The following CDH13 variants were observed in gnomAD, a reference collection of about 807,000 sequenced individuals.
CDH13 encodes the protein cadherin 13, also known as cadherin-13.
A neutral mutation model predicts 63.8 loss-of-function variants in CDH13; 24 were observed. That is an observed-to-expected ratio of 0.38 (90% CI 0.27 to 0.53). The LOEUF is 0.53. Among genes scored for constraint, CDH13 ranks in the 20% least tolerant of loss-of-function variants. The probability of loss-of-function intolerance (pLI) is 0.85; values close to 1 mark genes in which losing one functional copy is unlikely to be tolerated. For synonymous variants in CDH13, 503 were observed against 355.3 expected, an observed-to-expected ratio of 1.42 and a Z score of -4.67; for missense variants, 1,049 against 903.1, an observed-to-expected ratio of 1.16 and a Z score of -2.07.
At chr16:82,665,811 G>A (rs1386491028) in intron 1 of CDH13, among the ~76,000 whole-genome samples, 2 of 152,062 alleles carry the variant, frequency 1.3e-5, no homozygotes, top group Admixed American at 6.5e-5. Context: ...TGTGCTTAGA[G>A]CACTTGCGTT....
intron 3 of CDH13, among the ~76,000 whole-genome samples, chr16:83,116,564 A>G (rs1245648210): frequency 2.0e-5 from 3 of 152,216 alleles, no homozygotes; most frequent in Admixed American, 6.5e-5. Flanking sequence ...GACATATCGC[A>G]TGGTTTCTGT....
At chr16:82,817,102 C>A (rs573380953) in intron 1 of CDH13, among the ~76,000 whole-genome samples, 2 of 152,240 alleles carry the variant, frequency 1.3e-5, no homozygotes, top group African/African-American at 2.4e-5. Flanking sequence ...TTTTCCAACA[C>A]AGAGAACCCT....
chr16:83,766,728 G>T (rs1035036241), intron 11 of CDH13, among the ~76,000 whole-genome samples: 2 of 152,172 alleles, frequency 1.3e-5, no homozygotes, highest in African/African-American at 2.4e-5. Flanking sequence ...GATATGGTTT[G>T]GCTGTGTCCC....
intron 7 of CDH13, among the ~76,000 whole-genome samples, chr16:83,586,972 G>A (rs1258680699): frequency 2.6e-5 from 4 of 152,086 alleles, no homozygotes; most frequent in Non-Finnish European, 4.4e-5. Context: ...GTCTCAAATT[G>A]CTTTCCTGTC....
At chr16:82,842,096 A>ATATATATATGTATG (rs1567590192) in intron 1 of CDH13, among the ~76,000 whole-genome samples, 2 of 39,024 alleles carry the variant, frequency 5.1e-5, no homozygotes, top group African/African-American at 1.9e-4. Context: ...TTCTACATAT[A>ATATATATATGTATG]TATATATATA....
chr16:83,299,538 C>T lies in CDH13; in HGVS notation c.637-45324C>T, dbSNP rs541172052. 4.6e-5 allele frequency among the ~76,000 whole-genome samples: 7 copies of T among 152,288 alleles called. No homozygotes were observed. The South Asian group carries it at 1.2e-3, about 27-fold the overall frequency. ...ATCCTCACTAGAGATCATCTTACTT[C>T]CCTCGATTATTCTTTGTTCATTCCA... On this transcript the variant is annotated intron_variant, in intron 5 of 13. Transcript: ENST00000567109.
At chr16:83,297,449 A>G (rs529258401) in intron 5 of CDH13, among the ~76,000 whole-genome samples, 1 of 152,354 alleles carries the variant, frequency 6.6e-6, no homozygotes, top group African/African-American at 2.4e-5. Context: ...GAATAAGGGC[A>G]GAAAGACTGA....
At chr16:83,784,025 T>C (rs899280938) in intron 13 of CDH13, among the ~76,000 whole-genome samples, 2 of 152,206 alleles carry the variant, frequency 1.3e-5, no homozygotes, top group African/African-American at 4.8e-5. Context: ...TGCCAAGTAG[T>C]ATAGATGTGA....
At chr16:82,716,812 C>T (rs573469954) in intron 1 of CDH13, among the ~76,000 whole-genome samples, 200 of 151,698 alleles carry the variant, frequency 1.3e-3, no homozygotes, top group Non-Finnish European at 1.9e-3. Flanking sequence ...AAATCCTTTC[C>T]AGCCAAGCAC....
intron 6 of CDH13, among the ~76,000 whole-genome samples, chr16:83,346,175 G>C: frequency 6.6e-6 from 1 of 152,184 alleles, no homozygotes; most frequent in Admixed American, 6.5e-5. Flanking sequence ...TGTGCTGGAG[G>C]GTGTTTAGGG....
At chr16:83,072,122 C>G (rs1048464957) in intron 3 of CDH13, among the ~76,000 whole-genome samples, 14 of 152,240 alleles carry the variant, frequency 9.2e-5, no homozygotes, top group African/African-American at 3.1e-4. Context: ...ATTGTTCCAT[C>G]TTTTTGGTAC....
intron 4 of CDH13, among the ~76,000 whole-genome samples, chr16:83,179,106 G>C (rs1299269058): frequency 6.6e-6 from 1 of 152,160 alleles, no homozygotes; most frequent in Non-Finnish European, 1.5e-5. Flanking sequence ...GAGCAAATGT[G>C]GTGGTGGCCT....
chr16:83,149,666 A>T (rs2036891142), intron 4 of CDH13, among the ~76,000 whole-genome samples: 1 of 152,188 alleles, frequency 6.6e-6, no homozygotes, highest in Non-Finnish European at 1.5e-5. Context: ...ACTGGTTTCT[A>T]AAAGCCCTAT....
At chr16:83,748,366 G>T (rs1345619906) in intron 11 of CDH13, 116 bp downstream of exon 11, 2 of 895,462 alleles carry the variant, frequency 2.2e-6, no homozygotes, top group African/African-American at 1.7e-5. Context: ...GTAAGTGTGT[G>T]GGAACAGCAA....
chr16:83,575,052 T>G (rs566405056), intron 7 of CDH13, among the ~76,000 whole-genome samples: 8 of 152,190 alleles, frequency 5.3e-5, no homozygotes, highest in Admixed American at 2.6e-4. Flanking sequence ...CAATAGAATA[T>G]TATTTGGCCA....
intron 10 of CDH13, among the ~76,000 whole-genome samples, chr16:83,693,581 A>G (rs896852239): frequency 1.3e-5 from 2 of 152,176 alleles, no homozygotes; most frequent in Admixed American, 1.3e-4. Context: ...GTTTCTAAAT[A>G]TTAAGTTTTG....
chr16:83,588,297 T>C (rs1271648304), intron 7 of CDH13, among the ~76,000 whole-genome samples: 1 of 152,204 alleles, frequency 6.6e-6, no homozygotes, highest in African/African-American at 2.4e-5. Flanking sequence ...CATGCCTGCC[T>C]TTGGACCTGT....
chr16:83,418,950 G>C (rs1294900226), intron 6 of CDH13, among the ~76,000 whole-genome samples: 4 of 152,136 alleles, frequency 2.6e-5, no homozygotes, highest in African/African-American at 4.8e-5. Context: ...GATAGGGAAT[G>C]GCAAAGCCCC....
chr16:83,170,677 C>G (rs1344799869), intron 4 of CDH13, among the ~76,000 whole-genome samples: 1 of 152,106 alleles, frequency 6.6e-6, no homozygotes, highest in African/African-American at 2.4e-5. Flanking sequence ...AAAAGTATTT[C>G]TAAGCACCCA....
Sources: allele counts gnomAD v4.1 joint callset (sites outside exome capture counted in the v4.1 genomes callset), GRCh38; gene constraint gnomAD v4.1.1; transcripts MANE v1.5; gene names NCBI Gene and HGNC (gene_info 2026-07-23, HGNC 2026-07-21).